The following NCKAP5 variants were observed in gnomAD, a reference collection of about 807,000 sequenced individuals.
NCKAP5 encodes the protein nck-associated protein 5.
A neutral mutation model predicts 167.0 loss-of-function variants in NCKAP5; 92 were observed. That is an observed-to-expected ratio of 0.55 (90% CI 0.47 to 0.66). The LOEUF is 0.66. Ranked by LOEUF, NCKAP5 falls within the 30% of genes least tolerant of loss-of-function variation. The pLI is 0.00. For synonymous variants in NCKAP5, 891 were observed against 877.4 expected (o/e 1.02, Z -0.27); for missense variants, 2,378 against 2,315.0 (o/e 1.03, Z -0.56).
chr2:133,014,932 T>C (rs2078279307), intron 6 of NCKAP5, among the ~76,000 whole-genome samples: 1 of 152,224 alleles, frequency 6.6e-6, no homozygotes, highest in Non-Finnish European at 1.5e-5. Flanking sequence ...TTGATCACAA[T>C]TGACCTATAA....
chr2:133,335,528 A>C (rs1683151943), intron 3 of NCKAP5, among the ~76,000 whole-genome samples: 1 of 152,196 alleles, frequency 6.6e-6, no homozygotes. Context: ...CTTTACCTGC[A>C]CTGTAAAATT....
At chr2:133,125,157 T>C (rs2082363209) in intron 6 of NCKAP5, among the ~76,000 whole-genome samples, 1 of 152,054 alleles carries the variant, frequency 6.6e-6, no homozygotes, top group Non-Finnish European at 1.5e-5. Context: ...ATATATGAAA[T>C]TGGTACTCTG....
chr2:132,795,865 C>T (rs1684561002), intron 12 of NCKAP5, among the ~76,000 whole-genome samples: 1 of 143,516 alleles, frequency 7.0e-6, no homozygotes, highest in Non-Finnish European at 1.5e-5. Context: ...GAATGAAGCC[C>T]AGAGTTTCAT....
intron 11 of NCKAP5, among the ~76,000 whole-genome samples, chr2:132,851,344 C>A (rs1018539803): frequency 6.6e-6 from 1 of 152,174 alleles, no homozygotes; most frequent in South Asian, 2.1e-4. Context: ...TCTGGCCCAA[C>A]TGTTCTAGTG....
rs1196154274 is a variant in NCKAP5, at chr2:133,096,221, TG to T, written c.341+33756del. On this transcript the variant is annotated intron_variant, in intron 6 of 19. Transcript: ENST00000409261. Reference sequence around the variant, plus strand: ...TTTCTGATAATTAGGCCAGGCACAATGGCTCACACATGTAATCCCAGCACTT... The same window carrying T: ...TTTCTGATAATTAGGCCAGGCACAATGCTCACACATGTAATCCCAGCACTT... Among the ~76,000 whole-genome samples, 3 of 152,138 alleles carry T rather than the reference TG, an allele frequency of 2.0e-5. No individual in the cohort carries two copies. In the East Asian group the frequency reaches 5.8e-4, roughly 29 times the overall value.
intron 2 of NCKAP5, among the ~76,000 whole-genome samples, chr2:133,522,752 C>T (rs186583018): frequency 2.2e-3 from 332 of 152,304 alleles, no homozygotes; most frequent in African/African-American, 7.7e-3. Flanking sequence ...TACACCCAAG[C>T]CTCAAAGAAA....
chr2:133,524,763 T>C (rs1684730016), intron 2 of NCKAP5, among the ~76,000 whole-genome samples: 1 of 152,234 alleles, frequency 6.6e-6, no homozygotes, highest in Middle Eastern at 3.2e-3. Flanking sequence ...GCTTTCTGTA[T>C]GCTTTAAACA....
intron 8 of NCKAP5, among the ~76,000 whole-genome samples, chr2:132,891,601 C>G (rs545540292): frequency 6.6e-6 from 1 of 152,198 alleles, no homozygotes; most frequent in Non-Finnish European, 1.5e-5. Flanking sequence ...CAGTGTCTCT[C>G]TGTGTGTGCA....
chr2:133,201,874 C>T (rs950067409), intron 5 of NCKAP5, among the ~76,000 whole-genome samples: 9 of 151,892 alleles, frequency 5.9e-5, no homozygotes, highest in Non-Finnish European at 1.0e-4. Flanking sequence ...CACTGCTCAA[C>T]GAAATAAAAG....
At chr2:133,270,233 T>C (rs1395044715) in intron 4 of NCKAP5, among the ~76,000 whole-genome samples, 1 of 152,012 alleles carries the variant, frequency 6.6e-6, no homozygotes, top group East Asian at 1.9e-4. Context: ...GTGGTGGTAG[T>C]TGCAAAACTA....
In NCKAP5 at chr2:133,514,123, C is replaced by T. The variant is rs565817088; in HGVS notation, c.69+3335G>A. ...TTATCAGAGAGTAGACTGTACTTGC[C>T]GTGAACGTATATACGGCTACTCCGC... On this transcript the variant is annotated intron_variant, in intron 3 of 19. Transcript: ENST00000409261. Among the ~76,000 whole-genome samples the T allele has an allele frequency of 2.0e-4, 31 of 152,260 alleles. No individual in the cohort carries two copies. In the East Asian group the frequency reaches 4.1e-3, roughly 20 times the overall value.
chr2:133,010,767 T>C (rs1449234434), intron 6 of NCKAP5, among the ~76,000 whole-genome samples: 1 of 152,216 alleles, frequency 6.6e-6, no homozygotes, highest in Non-Finnish European at 1.5e-5. Flanking sequence ...CAAGCTTTTA[T>C]ACAGCACTTT....
At chr2:132,895,446 A>G (rs1693112031) in intron 8 of NCKAP5, among the ~76,000 whole-genome samples, 1 of 152,144 alleles carries the variant, frequency 6.6e-6, no homozygotes, top group African/African-American at 2.4e-5. Flanking sequence ...CTTTGCAGAA[A>G]CAATTATTAG....
intron 16 of NCKAP5, among the ~76,000 whole-genome samples, chr2:132,759,833 T>G (rs1181161841): frequency 6.6e-6 from 1 of 152,068 alleles, no homozygotes; most frequent in African/African-American, 2.4e-5. Context: ...TTCAGATTTC[T>G]ACCTTTTATT....
At chr2:132,806,087 C>G (rs2105232445) in intron 11 of NCKAP5, among the ~76,000 whole-genome samples, 1 of 152,236 alleles carries the variant, frequency 6.6e-6, no homozygotes, top group East Asian at 1.9e-4. Context: ...TCATCCAGGT[C>G]ACTGCAAATG....
At chr2:133,583,113 G>A in the NCKAP5 span, among the ~76,000 whole-genome samples, 1 of 145,452 alleles carries the variant, frequency 6.9e-6, no homozygotes, top group African/African-American at 2.5e-5. Flanking sequence ...AAATAGACCA[G>A]AGATGATAAA....
intron 3 of NCKAP5, among the ~76,000 whole-genome samples, chr2:133,485,975 G>A (rs1029345107): frequency 1.3e-5 from 2 of 152,168 alleles, no homozygotes; most frequent in African/African-American, 4.8e-5. Context: ...TATGGCCTAA[G>A]AGGATTGAGT....
At chr2:133,524,567 C>T (rs967690725) in intron 2 of NCKAP5, among the ~76,000 whole-genome samples, 15 of 152,170 alleles carry the variant, frequency 9.9e-5, no homozygotes, top group African/African-American at 3.4e-4. Context: ...AATGGCAAGC[C>T]CAATGTTGCA....
At chr2:133,031,054 A>G (rs887224254) in intron 6 of NCKAP5, among the ~76,000 whole-genome samples, 1 of 152,200 alleles carries the variant, frequency 6.6e-6, no homozygotes, top group African/African-American at 2.4e-5. Flanking sequence ...GTGGAATACA[A>G]GGCTTTGCCG....
Sources: gnomAD v4.1 joint callset for allele counts (sites outside exome capture counted in the v4.1 genomes callset) on GRCh38, gnomAD v4.1.1 for gene constraint, MANE v1.5 for transcripts, NCBI Gene and HGNC (gene_info 2026-07-23, HGNC 2026-07-21) for gene names.